BRINP1: variants seen among roughly 807,000 people sequenced by gnomAD.
The protein encoded by BRINP1 is BMP/retinoic acid inducible neural specific 1.
Under a neutral mutation model 72.9 loss-of-function variants are expected in BRINP1, and 17 were observed. The ratio of observed to expected loss-of-function variants is 0.23; its 90% CI spans 0.16 to 0.35. The LOEUF is 0.35. Among genes scored for constraint, BRINP1 ranks in the 10% least tolerant of loss-of-function variants. The pLI, the probability that BRINP1 is intolerant of heterozygous loss-of-function variation, is 1.00. For synonymous variants in BRINP1, 418 were observed against 378.5 expected (o/e 1.10, Z -1.21); for missense variants, 850 against 1,001.6 (o/e 0.85, Z 2.04).
At chr9:119,283,833 T>A (rs1554753308) in intron 2 of BRINP1, among the ~76,000 whole-genome samples, 1 of 152,124 alleles carries the variant, frequency 6.6e-6, no homozygotes, top group Non-Finnish European at 1.5e-5. Context: ...GCGCCTGGCC[T>A]CCTCTCAGAT....
chr9:119,303,508 C>T (rs965651764), intron 2 of BRINP1, among the ~76,000 whole-genome samples: 1 of 152,108 alleles, frequency 6.6e-6, no homozygotes, highest in Non-Finnish European at 1.5e-5. Flanking sequence ...ATTAGACTCT[C>T]GCGAATCGTG....
At chr9:119,202,305 G>T (rs959767047) in intron 7 of BRINP1, among the ~76,000 whole-genome samples, 1 of 152,142 alleles carries the variant, frequency 6.6e-6, no homozygotes, top group African/African-American at 2.4e-5. Flanking sequence ...ACTATTAAAT[G>T]TTGCCATGAA....
At chr9:119,234,664 A>G (rs1268200290) in intron 5 of BRINP1, among the ~76,000 whole-genome samples, 1 of 151,892 alleles carries the variant, frequency 6.6e-6, no homozygotes, top group African/African-American at 2.4e-5. Context: ...TCTTATACTT[A>G]GTGTTTTTTT....
intron 1 of BRINP1, among the ~76,000 whole-genome samples, chr9:119,332,727 C>T (rs1831311711): frequency 6.6e-6 from 1 of 152,078 alleles, no homozygotes; most frequent in African/African-American, 2.4e-5. Context: ...GTAGAGCACC[C>T]CCCTTCCCCA....
Position 119,263,601 on chromosome 9 carries a change from CTTTTTTTT to C in BRINP1, c.219-14459_219-14452del, listed in dbSNP as rs386416080. On this transcript the variant is annotated intron_variant, in intron 2 of 7. Coordinates refer to ENST00000265922, the MANE Select transcript of BRINP1 (RefSeq NM_014618.3). ...CTTATAAAATACCCAGTAAACAATT[CTTTTTTTT>C]TTTTTTTTTTTTTTTTGAGACAGAG... Among the ~76,000 whole-genome samples, 8 of 78,566 alleles carry C rather than the reference CTTTTTTTT, an allele frequency of 1.0e-4. No individual in the cohort carries two copies. In the East Asian group the frequency reaches 3.1e-3, roughly 31 times the overall value. 51.5% of individuals were successfully genotyped at this position (78,566 alleles called of 152,430 possible).
At chr9:119,177,327 G>A (rs1410808049) in intron 7 of BRINP1, among the ~76,000 whole-genome samples, 1 of 152,076 alleles carries the variant, frequency 6.6e-6, no homozygotes, top group African/African-American at 2.4e-5. Context: ...TTCAGGAAAC[G>A]GAGCTGGAAT....
chr9:119,201,753 T>C (rs1829807270), intron 7 of BRINP1, among the ~76,000 whole-genome samples: 1 of 152,208 alleles, frequency 6.6e-6, no homozygotes, highest in Admixed American at 6.5e-5. Context: ...CAGTTGCTTG[T>C]ATCTTTAAAT....
At chr9:119,200,549 A>G (rs1829793039) in intron 7 of BRINP1, among the ~76,000 whole-genome samples, 2 of 150,594 alleles carry the variant, frequency 1.3e-5, no homozygotes. Flanking sequence ...ACTTAAGCCC[A>G]GGAGTTTGAG....
chr9:119,239,313 C>A (rs1440950480), intron 4 of BRINP1, among the ~76,000 whole-genome samples: 1 of 152,132 alleles, frequency 6.6e-6, no homozygotes, highest in African/African-American at 2.4e-5. Context: ...TAGGCAAGAA[C>A]AAGAAAACGA....
intron 2 of BRINP1, among the ~76,000 whole-genome samples, chr9:119,278,585 C>CT (rs1184009568): frequency 6.6e-6 from 1 of 152,276 alleles, no homozygotes; most frequent in Non-Finnish European, 1.5e-5. Flanking sequence ...TACCTTGCAT[C>CT]TTTTTTTAAA....
chr9:119,365,958 C>G (rs925330720), intron 1 of BRINP1, among the ~76,000 whole-genome samples: 3 of 152,132 alleles, frequency 2.0e-5, no homozygotes, highest in Non-Finnish European at 4.4e-5. Flanking sequence ...CACCCCGAAA[C>G]AGGCATCTAG....
At chr9:119,216,234 G>A (rs1466975927) in intron 5 of BRINP1, among the ~76,000 whole-genome samples, 1 of 152,214 alleles carries the variant, frequency 6.6e-6, no homozygotes, top group African/African-American at 2.4e-5. Context: ...ATAAGCAGGA[G>A]GGTTTAGAAT....
chr9:119,191,922 C>G (rs78563983), intron 7 of BRINP1, among the ~76,000 whole-genome samples: 2,997 of 151,752 alleles, frequency 0.02, 101 homozygotes, highest in African/African-American at 0.066. Context: ...CAATGGAACA[C>G]AATTGAGAGC....
At position 119,254,671 on chromosome 9, in the gene BRINP1, C is replaced by T. The variant is rs572464843; in HGVS notation, c.219-5521G>A. 9.2e-5 allele frequency among the ~76,000 whole-genome samples: 14 copies of T among 152,180 alleles called. No individual in the cohort carries two copies. The East Asian group carries it at 2.1e-3, about 23-fold the overall frequency. On this transcript the variant is annotated intron_variant, in intron 2 of 7. Coordinates refer to ENST00000265922, the MANE Select transcript of BRINP1 (RefSeq NM_014618.3). ...TGTTGAGTCTACCTAATCTGATTTACGTTATAAAGGAAGGGTAGGCAAACA... is the reference window on the plus strand; with the variant it reads ...TGTTGAGTCTACCTAATCTGATTTATGTTATAAAGGAAGGGTAGGCAAACA...
chr9:119,242,021 C>A, intron 4 of BRINP1, 26 bp downstream of exon 4: 2 of 1,606,846 alleles, frequency 1.2e-6, no homozygotes, highest in South Asian at 1.1e-5. Flanking sequence ...GAGAACCTGT[C>A]GCCCAAATCC....
intron 7 of BRINP1, among the ~76,000 whole-genome samples, chr9:119,196,372 A>T (rs948176129): frequency 6.6e-6 from 1 of 152,200 alleles, no homozygotes; most frequent in Non-Finnish European, 1.5e-5. Flanking sequence ...ACAGAGAAGA[A>T]ATACTGAATC....
chr9:119,332,212 T>C (rs548071467), intron 1 of BRINP1, among the ~76,000 whole-genome samples: 11 of 152,232 alleles, frequency 7.2e-5, no homozygotes, highest in Non-Finnish European at 1.5e-4. Flanking sequence ...TCTGTGTTGC[T>C]AGATTCAGGA....
chr9:119,351,545 G>A (rs41489644), intron 1 of BRINP1, among the ~76,000 whole-genome samples: 21,452 of 152,058 alleles, frequency 0.14, 1,600 homozygotes, highest in Admixed American at 0.2. Flanking sequence ...AAGAGGAAGC[G>A]CTGAGGGAAA....
At chr9:119,238,565 C>A in intron 5 of BRINP1, 90 bp downstream of exon 5, 1 of 711,936 alleles carries the variant, frequency 1.4e-6, no homozygotes, top group South Asian at 2.1e-5. Flanking sequence ...TTTATTCTCC[C>A]TTCACTCCAT....
Sources: gnomAD v4.1 joint callset for allele counts (sites outside exome capture counted in the v4.1 genomes callset) on GRCh38, gnomAD v4.1.1 for gene constraint, MANE v1.5 for transcripts, NCBI Gene and HGNC (gene_info 2026-07-23, HGNC 2026-07-21) for gene names.